ADGRL3: variants seen among roughly 807,000 people sequenced by gnomAD.
ADGRL3 encodes the protein adhesion G protein-coupled receptor L3.
Under a neutral mutation model 153.5 loss-of-function variants are expected in ADGRL3, and 62 were observed. That is an observed-to-expected ratio of 0.40 (90% CI 0.33 to 0.50). The LOEUF (loss-of-function observed/expected upper bound fraction) is 0.50. Ranked by LOEUF, ADGRL3 falls within the 20% of genes least tolerant of loss-of-function variation. The pLI, the probability that ADGRL3 is intolerant of heterozygous loss-of-function variation, is 0.47. For missense variants in ADGRL3, 1,641 were observed against 1,859.4 expected (o/e 0.88, Z 2.16); for synonymous variants, 710 against 672.5 (o/e 1.06, Z -0.86).
At chr4:61,312,723 A>G (rs941618077) in intron 1 of ADGRL3, among the ~76,000 whole-genome samples, 1 of 152,142 alleles carries the variant, frequency 6.6e-6, no homozygotes, top group African/African-American at 2.4e-5. Context: ...CAAAACACCA[A>G]CACCAGCAAA....
At chr4:61,225,741 C>T (rs1747652580) in intron 1 of ADGRL3, among the ~76,000 whole-genome samples, 1 of 152,120 alleles carries the variant, frequency 6.6e-6, no homozygotes, top group Admixed American at 6.6e-5. Context: ...CTGAGCTAAG[C>T]TTGCTTCATT....
At chr4:61,441,289 C>T (rs967912032) in intron 2 of ADGRL3, among the ~76,000 whole-genome samples, 2 of 152,120 alleles carry the variant, frequency 1.3e-5, no homozygotes, top group African/African-American at 4.8e-5. Flanking sequence ...ATTATTCAAA[C>T]TTACAACATA....
chr4:61,755,195 C>G (rs1246893351), intron 8 of ADGRL3, among the ~76,000 whole-genome samples: 7 of 152,174 alleles, frequency 4.6e-5, no homozygotes, highest in South Asian at 2.1e-4. Flanking sequence ...AATCGCCACA[C>G]TGACTTCCAC....
chr4:62,005,938 T>TTA (rs2099155795), intron 21 of ADGRL3, among the ~76,000 whole-genome samples: 2 of 131,060 alleles, frequency 1.5e-5, no homozygotes, highest in African/African-American at 2.8e-5. Context: ...TTTATTTTAT[T>TTA]TATATATATA....
At chr4:61,626,703 C>T (rs777048571) in intron 5 of ADGRL3, among the ~76,000 whole-genome samples, 7 of 152,022 alleles carry the variant, frequency 4.6e-5, no homozygotes, top group Non-Finnish European at 1.0e-4. Flanking sequence ...GTGATATAGA[C>T]GTAAGTTCAG....
At chr4:61,462,336 A>G (rs1002760810) in intron 2 of ADGRL3, among the ~76,000 whole-genome samples, 2 of 152,102 alleles carry the variant, frequency 1.3e-5, no homozygotes, top group African/African-American at 4.8e-5. Flanking sequence ...AAAGATAACA[A>G]CTCGAGTCAC....
intron 17 of ADGRL3, among the ~76,000 whole-genome samples, chr4:61,971,104 A>G (rs1380494627): frequency 6.6e-6 from 1 of 151,898 alleles, no homozygotes; most frequent in Non-Finnish European, 1.5e-5. Flanking sequence ...TCAGAATACA[A>G]TATGTTGAAG....
intron 1 of ADGRL3, among the ~76,000 whole-genome samples, chr4:61,252,704 T>TTA (rs2091568357): frequency 6.7e-6 from 1 of 148,576 alleles, no homozygotes; most frequent in Admixed American, 6.8e-5. Context: ...TTTTTTTTTT[T>TTA]AAGTCCCGGT....
At chr4:62,070,051 G>A in intron 26 of ADGRL3, 58 bp from the exon 27 acceptor site, 3 of 1,376,388 alleles carry the variant, frequency 2.2e-6, no homozygotes, top group Non-Finnish European at 3.0e-6. Flanking sequence ...CTGTGTTTGT[G>A]TGTGTGTTCT....
chr4:61,671,091 G>A (rs535441094), intron 5 of ADGRL3, among the ~76,000 whole-genome samples: 1 of 152,060 alleles, frequency 6.6e-6, no homozygotes, highest in African/African-American at 2.4e-5. Flanking sequence ...TGCCTAAACA[G>A]CCCCTACCTG....
chr4:61,459,252 G>C (rs900620212), intron 2 of ADGRL3, among the ~76,000 whole-genome samples: 2 of 151,650 alleles, frequency 1.3e-5, no homozygotes, highest in African/African-American at 4.8e-5. Context: ...ATAAATATTA[G>C]TAAAAAACAA....
At chr4:61,233,986 T>C (rs1185047105) in intron 1 of ADGRL3, among the ~76,000 whole-genome samples, 2 of 152,106 alleles carry the variant, frequency 1.3e-5, no homozygotes, top group African/African-American at 4.8e-5. Context: ...TAGAAGATTA[T>C]GAAAAAATTG....
rs1734212087 is a variant in ADGRL3, at chr4:61,200,345, C to T, written c.-1660C>T. Among the ~76,000 whole-genome samples, 1 of 152,006 alleles carries T rather than the reference C, an allele frequency of 6.6e-6. No individual in the cohort carries two copies. The highest frequency in any genetic ancestry group is 1.5e-5 in the Non-Finnish European group (1 of 67,998). On this transcript the variant is annotated 5_prime_UTR_variant, in exon 1 of 27. Coordinates refer to ENST00000683033, the MANE Select transcript of ADGRL3 (RefSeq NM_001387552.1). Reference sequence around the variant, plus strand: ...CTGCTCATTCTGGCCTCCGCTCCGGCCCCGGCTGCGCCTACCCCGCGCGCA... The same window carrying T: ...CTGCTCATTCTGGCCTCCGCTCCGGTCCCGGCTGCGCCTACCCCGCGCGCA...
intron 8 of ADGRL3, among the ~76,000 whole-genome samples, chr4:61,801,996 C>T (rs1268903605): frequency 6.6e-6 from 1 of 151,534 alleles, no homozygotes; most frequent in African/African-American, 2.4e-5. Context: ...AGTTGTCTCT[C>T]CTTTATCAAC....
intron 1 of ADGRL3, among the ~76,000 whole-genome samples, chr4:61,345,942 G>C (rs2095892844): frequency 1.3e-5 from 2 of 152,058 alleles, no homozygotes; most frequent in South Asian, 4.1e-4. Flanking sequence ...GGGGTGACGT[G>C]GGTTAGGACC....
intron 1 of ADGRL3, among the ~76,000 whole-genome samples, chr4:61,213,827 G>C (rs1352810107): frequency 6.6e-6 from 1 of 152,028 alleles, no homozygotes; most frequent in Admixed American, 6.6e-5. Context: ...ATGAATATCC[G>C]AGTGCTGAAA....
intron 25 of ADGRL3, among the ~76,000 whole-genome samples, chr4:62,060,753 ACT>A (rs1337643862): frequency 2.0e-5 from 3 of 151,686 alleles, no homozygotes; most frequent in African/African-American, 4.8e-5. Flanking sequence ...ACCATGATGA[ACT>A]CTTTTTTTTC....
At chr4:61,914,394 A>G (rs180923383) in intron 13 of ADGRL3, among the ~76,000 whole-genome samples, 99 of 152,270 alleles carry the variant, frequency 6.5e-4, no homozygotes, top group Non-Finnish European at 9.9e-4. Flanking sequence ...TTTATTTTAT[A>G]TAAGTTTTAT....
intron 11 of ADGRL3, among the ~76,000 whole-genome samples, chr4:61,896,281 C>A (rs2098631112): frequency 6.6e-6 from 1 of 152,106 alleles, no homozygotes; most frequent in Non-Finnish European, 1.5e-5. Flanking sequence ...CAGAATCTTG[C>A]AGACTCAAAT....
Sources: gnomAD v4.1 joint callset for allele counts (sites outside exome capture counted in the v4.1 genomes callset) on GRCh38, gnomAD v4.1.1 for gene constraint, MANE v1.5 for transcripts, NCBI Gene and HGNC (gene_info 2026-07-23, HGNC 2026-07-21) for gene names.